GRID2: variants seen among roughly 807,000 people sequenced by gnomAD.
GRID2 encodes glutamate receptor ionotropic, delta-2.
A neutral mutation model predicts 114.8 loss-of-function variants in GRID2; 33 were observed. The observed-to-expected ratio is 0.29, with a 90% CI of 0.22 to 0.38. GRID2 has a LOEUF of 0.38. Among genes scored for constraint, GRID2 ranks in the 10% least tolerant of loss-of-function variants. The pLI, the probability that GRID2 is intolerant of heterozygous loss-of-function variation, is 1.00. For synonymous variants in GRID2, 505 were observed against 449.9 expected (o/e 1.12, Z -1.55); for missense variants, 1,184 against 1,257.7 (o/e 0.94, Z 0.89).
intron 4 of GRID2, among the ~76,000 whole-genome samples, chr4:93,116,698 T>G (rs909154766): frequency 6.6e-6 from 1 of 152,066 alleles, no homozygotes; most frequent in Admixed American, 6.6e-5. Flanking sequence ...TAACAATTTC[T>G]TAGTTTCCGG....
At chr4:92,341,977 T>C (rs535922188) in intron 1 of GRID2, among the ~76,000 whole-genome samples, 1 of 152,084 alleles carries the variant, frequency 6.6e-6, no homozygotes, top group African/African-American at 2.4e-5. Flanking sequence ...CCATTGTACC[T>C]TGCTGGATAA....
intron 13 of GRID2, among the ~76,000 whole-genome samples, chr4:93,543,710 TAGAG>T (rs34742442): frequency 0.2 from 26,620 of 133,420 alleles, 2,806 homozygotes; most frequent in Non-Finnish European, 0.26. Flanking sequence ...GAGTGAGAGA[TAGAG>T]AGAGAGAGAG....
intron 2 of GRID2, among the ~76,000 whole-genome samples, chr4:92,630,318 T>C (rs550688449): frequency 2.0e-5 from 3 of 152,272 alleles, no homozygotes; most frequent in African/African-American, 4.8e-5. Context: ...GTTGCACATA[T>C]AATGAGTTAG....
At chr4:93,399,300 C>T (rs1247649020) in intron 9 of GRID2, among the ~76,000 whole-genome samples, 2 of 151,982 alleles carry the variant, frequency 1.3e-5, no homozygotes, top group African/African-American at 2.4e-5. Flanking sequence ...TCAATTACAC[C>T]AGGTTAATAA....
rs561810801 is a variant in GRID2, at chr4:92,933,165, A to C, written c.245-151830A>C. Among the ~76,000 whole-genome samples, 3 of 150,142 alleles carry C rather than the reference A, an allele frequency of 2.0e-5. No homozygotes were observed. The East Asian group carries it at 5.8e-4, about 29-fold the overall frequency. On this transcript the variant is annotated intron_variant, in intron 2 of 15. Coordinates refer to ENST00000282020, the MANE Select transcript of GRID2 (RefSeq NM_001510.4). The stretch of plus-strand genomic sequence containing the variant: ...TTTTATACATTATATATATATACAC[A>C]TATATATATGTAATGTTTCCCTTAA...
At chr4:92,719,145 C>T (rs1285371678) in intron 2 of GRID2, among the ~76,000 whole-genome samples, 1 of 151,918 alleles carries the variant, frequency 6.6e-6, no homozygotes, top group East Asian at 1.9e-4. Context: ...CACCACCATG[C>T]CTAGCTAATT....
At chr4:92,430,866 T>C (rs1200024835) in intron 1 of GRID2, among the ~76,000 whole-genome samples, 1 of 152,208 alleles carries the variant, frequency 6.6e-6, no homozygotes, top group African/African-American at 2.4e-5. Flanking sequence ...TTTGTAGCTG[T>C]TGTAAATGGG....
intron 1 of GRID2, among the ~76,000 whole-genome samples, chr4:92,561,391 C>T (rs927879426): frequency 1.3e-5 from 2 of 152,168 alleles, no homozygotes; most frequent in African/African-American, 4.8e-5. Flanking sequence ...TAAACCATCT[C>T]ATTACATTTA....
At chr4:92,697,798 T>C (rs990300986) in intron 2 of GRID2, among the ~76,000 whole-genome samples, 1 of 151,880 alleles carries the variant, frequency 6.6e-6, no homozygotes, top group African/African-American at 2.4e-5. Context: ...CAGAGACAGG[T>C]TGGGTTGAAG....
intron 8 of GRID2, among the ~76,000 whole-genome samples, chr4:93,392,864 C>T (rs1764983173): frequency 6.6e-6 from 1 of 151,934 alleles, no homozygotes; most frequent in African/African-American, 2.4e-5. Flanking sequence ...ACTAATTTTA[C>T]CTCTTAGTAT....
At chr4:93,089,903 G>A (rs1216068466) in intron 3 of GRID2, among the ~76,000 whole-genome samples, 1 of 152,098 alleles carries the variant, frequency 6.6e-6, no homozygotes, top group Non-Finnish European at 1.5e-5. Context: ...ACAAAACAAT[G>A]TGGAGCAGTT....
intron 2 of GRID2, among the ~76,000 whole-genome samples, chr4:92,726,936 T>A (rs1254910921): frequency 6.6e-6 from 1 of 152,014 alleles, no homozygotes; most frequent in African/African-American, 2.4e-5. Flanking sequence ...GACTTGAGAG[T>A]TGTTCTGATG....
At chr4:93,031,645 TTCTC>T (rs920608375) in intron 2 of GRID2, among the ~76,000 whole-genome samples, 4 of 152,122 alleles carry the variant, frequency 2.6e-5, no homozygotes, top group Admixed American at 1.3e-4. Context: ...CCCACACAAA[TTCTC>T]TCTCTTGCTT....
chr4:92,951,222 T>C (rs1033372521), intron 2 of GRID2, among the ~76,000 whole-genome samples: 3 of 152,140 alleles, frequency 2.0e-5, no homozygotes, highest in Non-Finnish European at 2.9e-5. Context: ...CCATTTTAAA[T>C]GAGCCTTAAG....
At chr4:93,013,030 AT>A (rs889078499) in intron 2 of GRID2, among the ~76,000 whole-genome samples, 2 of 152,064 alleles carry the variant, frequency 1.3e-5, no homozygotes, top group African/African-American at 4.8e-5. Flanking sequence ...TTTATGCATA[AT>A]TACTTACCAG....
chr4:92,517,385 G>T, intron 1 of GRID2, among the ~76,000 whole-genome samples: 1 of 151,806 alleles, frequency 6.6e-6, no homozygotes. Flanking sequence ...TTTATTGAGA[G>T]CTGGTAAACA....
intron 2 of GRID2, among the ~76,000 whole-genome samples, chr4:92,695,750 C>T (rs550999218): frequency 1.4e-4 from 22 of 151,958 alleles, no homozygotes; most frequent in African/African-American, 4.4e-4. Flanking sequence ...TTTTCTTTCA[C>T]GTAAAATATT....
intron 2 of GRID2, among the ~76,000 whole-genome samples, chr4:92,996,329 C>T (rs1490911314): frequency 2.0e-5 from 3 of 151,664 alleles, no homozygotes; most frequent in African/African-American, 7.3e-5. Context: ...AAATAATAAT[C>T]TTATTTCGAT....
At chr4:92,886,677 G>A (rs1345272638) in intron 2 of GRID2, among the ~76,000 whole-genome samples, 1 of 151,966 alleles carries the variant, frequency 6.6e-6, no homozygotes, top group Non-Finnish European at 1.5e-5. Context: ...CCAGGCTGGA[G>A]CGCAGCGGAG....
Sources: gnomAD v4.1 joint callset for allele counts (sites outside exome capture counted in the v4.1 genomes callset) on GRCh38, gnomAD v4.1.1 for gene constraint, MANE v1.5 for transcripts, NCBI Gene and HGNC (gene_info 2026-07-23, HGNC 2026-07-21) for gene names.